The following SNRNP40 variants were observed in gnomAD, a reference collection of about 807,000 sequenced individuals.
SNRNP40 encodes the protein U5 small nuclear ribonucleoprotein 40 kDa protein.
SNRNP40 carries 21 observed loss-of-function variants against 45.8 expected under a neutral mutation model. The observed-to-expected ratio is 0.46, with a 90% CI of 0.32 to 0.66. SNRNP40 has a LOEUF of 0.66. Among genes scored for constraint, SNRNP40 ranks in the 30% least tolerant of loss-of-function variants. The pLI, the probability that SNRNP40 is intolerant of heterozygous loss-of-function variation, is 0.03. For missense variants in SNRNP40, 344 were observed against 439.1 expected, an observed-to-expected ratio of 0.78 and a Z score of 1.94; for synonymous variants, 142 against 163.8, an observed-to-expected ratio of 0.87 and a Z score of 1.01.
chr1:31,286,658 C>T (rs1286055737), intron 4 of SNRNP40, among the ~76,000 whole-genome samples: 2 of 152,186 alleles, frequency 1.3e-5, no homozygotes, highest in Non-Finnish European at 2.9e-5. Flanking sequence ...GCGACCCTTT[C>T]ACCCCATTAG....
Position 31,266,965 on chromosome 1 carries a change from G to C in SNRNP40, c.920+906C>G, listed in dbSNP as rs538476723. Among the ~76,000 whole-genome samples the C allele has an allele frequency of 3.5e-4, 54 of 152,302 alleles. 1 individual carries two copies. Among genetic ancestry groups the C allele is most frequent in the African/African-American group, 1.3e-3 (53 of 41,560 alleles). Reference sequence around the variant, plus strand: ...CACTTTGTCTGTCTGATTGTAAGATGTAATAAATGCTACCAAAGTTTAGAT... The same window carrying C: ...CACTTTGTCTGTCTGATTGTAAGATCTAATAAATGCTACCAAAGTTTAGAT... On this transcript the variant is annotated intron_variant, in intron 8 of 9. Transcript: ENST00000263694.
chr1:31,278,131 G>A (rs1346824355), intron 5 of SNRNP40, among the ~76,000 whole-genome samples: 1 of 152,102 alleles, frequency 6.6e-6, no homozygotes, highest in Non-Finnish European at 1.5e-5. Flanking sequence ...TTTGCCCTAT[G>A]ATTTTTTTTG....
intron 5 of SNRNP40, among the ~76,000 whole-genome samples, chr1:31,276,095 T>C (rs570719127): frequency 5.3e-5 from 8 of 152,300 alleles, no homozygotes; most frequent in African/African-American, 1.2e-4. Context: ...GCAGCTGACA[T>C]ATATTGAACA....
chr1:31,274,636 C>G (rs1645962337), intron 5 of SNRNP40, among the ~76,000 whole-genome samples: 1 of 127,754 alleles, frequency 7.8e-6, no homozygotes, highest in African/African-American at 3.1e-5. Context: ...ATCCTTTTAA[C>G]CATTACATTA....
rs532595263 is a variant in SNRNP40, at chr1:31,271,938, CTCTG to C, written c.655-443_655-440del. On this transcript the variant is annotated intron_variant, in intron 5 of 9. Transcript: ENST00000263694. ...GCATGAGCCACTATGCCTGGCCAAT[CTCTG>C]TCTTTCTAAAAAGGTAGCTCAGGCT... 2.0e-5 allele frequency among the ~76,000 whole-genome samples: 3 copies of C among 152,210 alleles called. No homozygotes were observed. In the South Asian group the frequency reaches 6.2e-4, roughly 32 times the overall value.
chr1:31,294,883 G>C (rs868406612), intron 1 of SNRNP40, among the ~76,000 whole-genome samples: 3 of 149,618 alleles, frequency 2.0e-5, no homozygotes, highest in Non-Finnish European at 4.5e-5. Flanking sequence ...CGGAGGTTGC[G>C]GTGCACCGAG....
At chr1:31,279,182 T>G (rs1418148159) in intron 5 of SNRNP40, among the ~76,000 whole-genome samples, 1 of 152,200 alleles carries the variant, frequency 6.6e-6, no homozygotes, top group Admixed American at 6.5e-5. Context: ...ACTCTGGGAT[T>G]TGAACTGAGG....
At chr1:31,272,028 A>C (rs1302022228) in intron 5 of SNRNP40, among the ~76,000 whole-genome samples, 1 of 152,232 alleles carries the variant, frequency 6.6e-6, no homozygotes, top group African/African-American at 2.4e-5. Context: ...AAAGTTTTAC[A>C]CACAAAAAAA....
At chr1:31,284,596 G>T (rs116587623) in intron 4 of SNRNP40, among the ~76,000 whole-genome samples, 3 of 152,124 alleles carry the variant, frequency 2.0e-5, no homozygotes, top group African/African-American at 7.2e-5. Context: ...AGTATGGGTC[G>T]TTTCATTCAG....
intron 8 of SNRNP40, among the ~76,000 whole-genome samples, chr1:31,266,477 C>T (rs1226882044): frequency 6.6e-6 from 1 of 152,170 alleles, no homozygotes; most frequent in Non-Finnish European, 1.5e-5. Flanking sequence ...GACACCTGGA[C>T]ATCCCTATTC....
chr1:31,293,437 A>G, intron 1 of SNRNP40, 89 bp from the exon 2 acceptor site: 1 of 1,321,858 alleles, frequency 7.6e-7, no homozygotes, highest in South Asian at 1.5e-5. Flanking sequence ...GAAAAGACCA[A>G]GAAAACAATG....
In SNRNP40 at chr1:31,259,723, A is replaced by G. The variant is rs1427822609; in HGVS notation, c.*349T>C. On this transcript the variant is annotated 3_prime_UTR_variant, in exon 10 of 10. Transcript: ENST00000263694. The stretch of plus-strand genomic sequence containing the variant: ...TTTTAATACAAAATGATATAGAGAA[A>G]TACAGAAAGAAAATATCATACAAGC... 1 of 470,446 alleles carries G rather than the reference A, an allele frequency of 2.1e-6. No individual in the cohort carries two copies. The highest frequency in any genetic ancestry group is 4.0e-6 in the Non-Finnish European group (1 of 250,516). 29.1% of individuals were successfully genotyped at this position (470,446 alleles called of 1,614,324 possible). A position where few individuals can be genotyped will look rare whatever the true frequency, so the allele number is the denominator to read the frequency against.
intron 5 of SNRNP40, among the ~76,000 whole-genome samples, chr1:31,277,223 A>G (rs952705640): frequency 4.6e-5 from 7 of 152,180 alleles, no homozygotes; most frequent in African/African-American, 1.4e-4. Flanking sequence ...CATCTAAAGA[A>G]TGAATATTAT....
intron 5 of SNRNP40, among the ~76,000 whole-genome samples, chr1:31,279,912 G>A (rs1456546982): frequency 2.0e-5 from 3 of 150,818 alleles, no homozygotes; most frequent in Non-Finnish European, 4.4e-5. Flanking sequence ...TTCGAGATAA[G>A]CCTGCCCAAC....
At chr1:31,282,031 C>A (rs568346344) in intron 4 of SNRNP40, 2 of 152,466 alleles carry the variant, frequency 1.3e-5, no homozygotes, top group African/African-American at 4.8e-5. Flanking sequence ...CCCGGCAAAC[C>A]CTTAATGAGG....
At chr1:31,286,171 C>T (rs1413929183) in intron 4 of SNRNP40, among the ~76,000 whole-genome samples, 2 of 151,898 alleles carry the variant, frequency 1.3e-5, no homozygotes, top group African/African-American at 4.8e-5. Flanking sequence ...TAGGTACACA[C>T]ACACACACAC....
chr1:31,263,910 G>A (rs1456852412), intron 8 of SNRNP40, among the ~76,000 whole-genome samples: 1 of 96,840 alleles, frequency 1.0e-5, no homozygotes. Context: ...TAAATGTACT[G>A]GCTAAAAAAA....
chr1:31,289,187 T>G, intron 4 of SNRNP40, 67 bp downstream of exon 4: 1 of 1,456,490 alleles, frequency 6.9e-7, no homozygotes, highest in African/African-American at 1.4e-5. Flanking sequence ...AGAGTACAAG[T>G]GGCAAGGCAA....
Position 31,296,194 on chromosome 1 carries a change from A to C in SNRNP40, c.141+417T>G, listed in dbSNP as rs563450326. On this transcript the variant is annotated intron_variant, in intron 1 of 9. Transcript: ENST00000263694. Reference sequence around the variant, plus strand: ...TAATAATACTAGTGCAGAGAAATAAAGGGAAAAGCAACTTGCCCAAAGTCC... The same window carrying C: ...TAATAATACTAGTGCAGAGAAATAACGGGAAAAGCAACTTGCCCAAAGTCC... Among the ~76,000 whole-genome samples, 5 of 152,358 alleles carry C rather than the reference A, an allele frequency of 3.3e-5. No homozygotes were observed. In the South Asian group the frequency reaches 1.0e-3, roughly 32 times the overall value.
Sources: allele counts gnomAD v4.1 joint callset (sites outside exome capture counted in the v4.1 genomes callset), GRCh38; gene constraint gnomAD v4.1.1; transcripts MANE v1.5; gene names NCBI Gene and HGNC (gene_info 2026-07-23, HGNC 2026-07-21).